The following GABRB2 variants were observed in gnomAD, a reference collection of about 807,000 sequenced individuals.
GABRB2 encodes the protein gamma-aminobutyric acid receptor subunit beta-2.
In GABRB2, 16 loss-of-function variants were observed where a neutral mutation model predicts 54.7. The observed-to-expected ratio is 0.29, with a 90% CI of 0.20 to 0.44. The LOEUF is 0.44. GABRB2 is among the 20% of genes least tolerant of loss of function. GABRB2 has a pLI of 1.00. For missense variants in GABRB2, 355 were observed against 644.0 expected, an observed-to-expected ratio of 0.55 and a Z score of 4.86; for synonymous variants, 244 against 233.8, an observed-to-expected ratio of 1.04 and a Z score of -0.40.
intron 3 of GABRB2, among the ~76,000 whole-genome samples, chr5:161,462,222 A>G (rs2113271697): frequency 6.6e-6 from 1 of 152,306 alleles, no homozygotes; most frequent in Admixed American, 6.5e-5. Context: ...TCTGGTTAGC[A>G]TTCTGGACTG....
intron 5 of GABRB2, among the ~76,000 whole-genome samples, chr5:161,364,078 T>G (rs1465228296): frequency 1.3e-5 from 2 of 152,198 alleles, no homozygotes; most frequent in African/African-American, 2.4e-5. Flanking sequence ...TATGTAAATG[T>G]GTAATCCAGG....
intron 3 of GABRB2, among the ~76,000 whole-genome samples, chr5:161,532,581 T>C (rs1290082834): frequency 6.6e-6 from 1 of 152,144 alleles, no homozygotes; most frequent in African/African-American, 2.4e-5. Flanking sequence ...ACATTTTATT[T>C]TGAGTCCTCT....
chr5:161,420,266 C>T (rs1420511297), intron 4 of GABRB2, among the ~76,000 whole-genome samples: 3 of 152,080 alleles, frequency 2.0e-5, no homozygotes, highest in Non-Finnish European at 4.4e-5. Flanking sequence ...TGTTGATGTA[C>T]AACTAGCCAG....
rs153294 is a variant in GABRB2 at position 161,290,663 on chromosome 5, T to C, written c.*3418A>G. 0.46 allele frequency: 70,363 copies of C among 152,360 alleles called. 18,557 individuals carry two copies. The highest frequency in any genetic ancestry group is 0.72 in the African/African-American group (29,941 of 41,456). 9.4% of individuals were successfully genotyped at this position (152,360 alleles called of 1,614,324 possible). ...GAATCTATATATACACATATATACATGTAGATATGTTGTAAGACCTATTTT... is the reference window on the plus strand; with the variant it reads ...GAATCTATATATACACATATATACACGTAGATATGTTGTAAGACCTATTTT... On this transcript the variant is annotated 3_prime_UTR_variant, in exon 10 of 10. Coordinates refer to ENST00000393959, the MANE Select transcript of GABRB2 (RefSeq NM_001371727.1).
chr5:161,448,906 C>T (rs1757711907), intron 4 of GABRB2, among the ~76,000 whole-genome samples: 1 of 152,130 alleles, frequency 6.6e-6, no homozygotes. Flanking sequence ...CAGCCAGAAA[C>T]AGTGCATCAG....
chr5:161,424,769 T>C (rs1580974625), intron 4 of GABRB2, among the ~76,000 whole-genome samples: 1 of 152,268 alleles, frequency 6.6e-6, no homozygotes, highest in East Asian at 1.9e-4. Context: ...TTCATAAGGT[T>C]ATTGCTGTCA....
chr5:161,423,049 T>C (rs773797266), intron 4 of GABRB2, among the ~76,000 whole-genome samples: 5 of 152,286 alleles, frequency 3.3e-5, no homozygotes, highest in Non-Finnish European at 5.9e-5. Context: ...TGAAAAGCTA[T>C]GATTACCAGG....
At chr5:161,448,106 T>C (rs758762886) in intron 4 of GABRB2, among the ~76,000 whole-genome samples, 1 of 152,144 alleles carries the variant, frequency 6.6e-6, no homozygotes, top group Non-Finnish European at 1.5e-5. Context: ...GGGTAATTTC[T>C]TCTTGAATTA....
At chr5:161,486,559 G>A (rs188405420) in intron 3 of GABRB2, among the ~76,000 whole-genome samples, 2 of 151,980 alleles carry the variant, frequency 1.3e-5, no homozygotes, top group Admixed American at 1.3e-4. Flanking sequence ...ATCTCAGCCT[G>A]GGCACACAAC....
intron 5 of GABRB2, among the ~76,000 whole-genome samples, chr5:161,402,759 G>T (rs577730129): frequency 8.5e-5 from 13 of 152,254 alleles, no homozygotes; most frequent in African/African-American, 3.1e-4. Flanking sequence ...GGTCCACTGT[G>T]TTAGAAAGCC....
intron 3 of GABRB2, among the ~76,000 whole-genome samples, chr5:161,484,183 A>T (rs1267273970): frequency 6.6e-6 from 1 of 151,966 alleles, no homozygotes; most frequent in Non-Finnish European, 1.5e-5. Flanking sequence ...GACTTCAGTG[A>T]TTATCACATG....
At chr5:161,294,762 G>C (rs979185280) in intron 9 of GABRB2, among the ~76,000 whole-genome samples, 2 of 152,214 alleles carry the variant, frequency 1.3e-5, no homozygotes, top group East Asian at 3.8e-4. Context: ...AGAATTTATA[G>C]TCTTGATATG....
intron 4 of GABRB2, among the ~76,000 whole-genome samples, chr5:161,425,337 A>T (rs1580975003): frequency 2.6e-5 from 4 of 152,070 alleles, no homozygotes; most frequent in African/African-American, 7.2e-5. Context: ...GACAAACTTC[A>T]TTGTTGTCTT....
intron 7 of GABRB2, among the ~76,000 whole-genome samples, chr5:161,332,530 C>T (rs967177770): frequency 3.9e-5 from 6 of 152,052 alleles, no homozygotes; most frequent in Admixed American, 1.3e-4. Flanking sequence ...AAGCTGTAAT[C>T]GGAAGGTAAA....
chr5:161,382,170 G>C (rs1755489087), intron 5 of GABRB2, among the ~76,000 whole-genome samples: 2 of 152,194 alleles, frequency 1.3e-5, no homozygotes, highest in African/African-American at 4.8e-5. Context: ...ACAGGGAGAA[G>C]AACCTCTAAG....
At chr5:161,452,237 T>C (rs1260043553) in intron 4 of GABRB2, among the ~76,000 whole-genome samples, 1 of 152,184 alleles carries the variant, frequency 6.6e-6, no homozygotes, top group Admixed American at 6.5e-5. Context: ...AATTGAAATA[T>C]TTTAAATACC....
chr5:161,341,935 T>A (rs1313241124), intron 5 of GABRB2, among the ~76,000 whole-genome samples: 1 of 46,878 alleles, frequency 2.1e-5, no homozygotes, highest in African/African-American at 9.7e-5. Context: ...TTATTTTTTC[T>A]TTTATATATA....
At chr5:161,399,598 G>A (rs1756120559) in intron 5 of GABRB2, among the ~76,000 whole-genome samples, 1 of 152,140 alleles carries the variant, frequency 6.6e-6, no homozygotes, top group African/African-American at 2.4e-5. Flanking sequence ...GTAATTTTGA[G>A]AGTCATCTCT....
At chr5:161,475,324 T>TTCA (rs1758562118) in intron 3 of GABRB2, among the ~76,000 whole-genome samples, 1 of 151,884 alleles carries the variant, frequency 6.6e-6, no homozygotes, top group Non-Finnish European at 1.5e-5. Context: ...TAATCCTCAC[T>TTCA]TTATTATTAT....
Sources: allele counts gnomAD v4.1 joint callset (sites outside exome capture counted in the v4.1 genomes callset), GRCh38; gene constraint gnomAD v4.1.1; transcripts MANE v1.5; gene names NCBI Gene and HGNC (gene_info 2026-07-23, HGNC 2026-07-21).